The following KHDRBS2 variants were observed in gnomAD, a reference collection of about 807,000 sequenced individuals.
KHDRBS2 encodes the protein KH domain-containing, RNA-binding, signal transduction-associated protein 2.
In KHDRBS2, 26 loss-of-function variants were observed where a neutral mutation model predicts 44.3. The ratio of observed to expected loss-of-function variants is 0.59; its 90% CI spans 0.43 to 0.81. The LOEUF is 0.81. KHDRBS2 is among the 40% of genes least tolerant of loss of function. KHDRBS2 has a pLI of 0.00. For missense variants in KHDRBS2, 476 were observed against 433.1 expected, an observed-to-expected ratio of 1.10 and a Z score of -0.88; for synonymous variants, 194 against 151.1, an observed-to-expected ratio of 1.28 and a Z score of -2.08.
chr6:61,720,966 G>A (rs1772383478), intron 7 of KHDRBS2, among the ~76,000 whole-genome samples: 1 of 150,734 alleles, frequency 6.6e-6, no homozygotes, highest in Non-Finnish European at 1.5e-5. Flanking sequence ...TAAGGTGTAA[G>A]GAAGGGATCC....
At chr6:62,028,510 A>AT (rs1325882057) in intron 3 of KHDRBS2, among the ~76,000 whole-genome samples, 1 of 152,116 alleles carries the variant, frequency 6.6e-6, no homozygotes, top group East Asian at 1.9e-4. Flanking sequence ...TTTTGTGCTT[A>AT]TACATGGTAA....
At chr6:61,613,834 A>G in the KHDRBS2 span, among the ~76,000 whole-genome samples, 1 of 152,150 alleles carries the variant, frequency 6.6e-6, no homozygotes, top group East Asian at 1.9e-4. Context: ...TTGAACCTAC[A>G]AATAAATAAA....
intron 6 of KHDRBS2, among the ~76,000 whole-genome samples, chr6:61,841,205 C>T (rs1438775767): frequency 4.6e-5 from 7 of 152,032 alleles, no homozygotes; most frequent in Admixed American, 2.0e-4. Context: ...TTCTTTACTG[C>T]TACTTAAATA....
At chr6:62,044,416 G>A (rs1014576825) in intron 3 of KHDRBS2, among the ~76,000 whole-genome samples, 3 of 151,792 alleles carry the variant, frequency 2.0e-5, no homozygotes, top group African/African-American at 7.3e-5. Flanking sequence ...CCAACGGTGG[G>A]TCAAAGCTGC....
intron 2 of KHDRBS2, among the ~76,000 whole-genome samples, chr6:62,062,186 T>C (rs974265755): frequency 6.7e-6 from 1 of 148,342 alleles, no homozygotes; most frequent in Admixed American, 6.9e-5. Context: ...ATGGGAGACT[T>C]TAACACCCCA....
At chr6:62,102,621 G>A (rs183928058) in intron 2 of KHDRBS2, among the ~76,000 whole-genome samples, 17 of 152,274 alleles carry the variant, frequency 1.1e-4, no homozygotes, top group East Asian at 7.7e-4. Flanking sequence ...TCTGGCCCAC[G>A]GCTCCTGGGC....
Position 62,286,152 on chromosome 6 carries a change from C to T in KHDRBS2, c.-204G>A. 1 of 558,070 alleles carries T rather than the reference C, an allele frequency of 1.8e-6. No individual in the cohort carries two copies. The highest frequency in any genetic ancestry group is 3.1e-6 in the Non-Finnish European group (1 of 320,100). 34.6% of individuals were successfully genotyped at this position (558,070 alleles called of 1,614,324 possible). A position where few individuals can be genotyped will look rare whatever the true frequency, so the allele number is the denominator to read the frequency against. On this transcript the variant is annotated 5_prime_UTR_variant, in exon 1 of 9. Transcript: ENST00000281156. The stretch of plus-strand genomic sequence containing the variant: ...GGCCCCGCGCCCACACCTGCCCGTC[C>T]CTTCCGTCGTCCCTCGCTCGCGCAG...
At chr6:61,644,704 A>C in the KHDRBS2 span, among the ~76,000 whole-genome samples, 1 of 152,216 alleles carries the variant, frequency 6.6e-6, no homozygotes, top group Admixed American at 6.5e-5. Context: ...GCATATGAAG[A>C]AAAGCTCAGT....
intron 1 of KHDRBS2, among the ~76,000 whole-genome samples, chr6:62,236,646 G>C (rs1028335195): frequency 6.6e-6 from 1 of 151,764 alleles, no homozygotes; most frequent in African/African-American, 2.4e-5. Context: ...CAGTTTCTTC[G>C]TCAATAATAT....
At chr6:62,244,639 T>C (rs897914526) in intron 1 of KHDRBS2, among the ~76,000 whole-genome samples, 5 of 152,154 alleles carry the variant, frequency 3.3e-5, no homozygotes, top group Non-Finnish European at 5.9e-5. Flanking sequence ...GGCAGGTGAA[T>C]TGAGTCACCA....
chr6:61,750,382 A>G (rs949273741), intron 6 of KHDRBS2, among the ~76,000 whole-genome samples: 5 of 152,232 alleles, frequency 3.3e-5, no homozygotes, highest in African/African-American at 1.2e-4. Flanking sequence ...AAGCCAGGCC[A>G]GCCTATGGGG....
intron 6 of KHDRBS2, among the ~76,000 whole-genome samples, chr6:61,770,603 G>T (rs140602603): frequency 6.6e-6 from 1 of 152,126 alleles, no homozygotes; most frequent in African/African-American, 2.4e-5. Flanking sequence ...AAGACGAAAT[G>T]AATGAAATGA....
chr6:61,735,791 G>C (rs1442187494), intron 6 of KHDRBS2, among the ~76,000 whole-genome samples: 1 of 151,228 alleles, frequency 6.6e-6, no homozygotes, highest in Non-Finnish European at 1.5e-5. Flanking sequence ...TGGTTGGGTA[G>C]AGAAGTCTAG....
At chr6:61,795,106 T>C (rs1251487317) in intron 6 of KHDRBS2, among the ~76,000 whole-genome samples, 1 of 118,826 alleles carries the variant, frequency 8.4e-6, no homozygotes, top group Non-Finnish European at 1.6e-5. Flanking sequence ...GCCACTGCAC[T>C]CCAGCCTGGC....
At chr6:61,855,358 C>T (rs1795996509) in intron 6 of KHDRBS2, among the ~76,000 whole-genome samples, 1 of 151,874 alleles carries the variant, frequency 6.6e-6, no homozygotes, top group African/African-American at 2.4e-5. Context: ...CAGCTCTGAC[C>T]ATTACTAGTT....
chr6:62,104,326 T>C (rs899627409), intron 2 of KHDRBS2, among the ~76,000 whole-genome samples: 10 of 152,174 alleles, frequency 6.6e-5, no homozygotes, highest in African/African-American at 2.4e-4. Context: ...AGTTTTAGGG[T>C]ACATGTGCAC....
At chr6:62,195,938 C>T (rs1825597538) in intron 1 of KHDRBS2, among the ~76,000 whole-genome samples, 1 of 152,046 alleles carries the variant, frequency 6.6e-6, no homozygotes, top group African/African-American at 2.4e-5. Context: ...CAATTAGAAA[C>T]ATTGCTTTTA....
intron 1 of KHDRBS2, among the ~76,000 whole-genome samples, chr6:62,204,932 C>G (rs922858467): frequency 5.9e-5 from 9 of 152,020 alleles, no homozygotes; most frequent in Non-Finnish European, 1.0e-4. Context: ...CAAGGGTCAA[C>G]AGTATGTAGG....
intron 1 of KHDRBS2, among the ~76,000 whole-genome samples, chr6:62,252,454 C>A (rs1836703787): frequency 6.6e-6 from 1 of 151,824 alleles, no homozygotes; most frequent in Non-Finnish European, 1.5e-5. Context: ...TTACCTTGAA[C>A]AGCTATTCAA....
Sources: gnomAD v4.1 joint callset for allele counts (sites outside exome capture counted in the v4.1 genomes callset) on GRCh38, gnomAD v4.1.1 for gene constraint, MANE v1.5 for transcripts, NCBI Gene and HGNC (gene_info 2026-07-23, HGNC 2026-07-21) for gene names.